C16orf96: variants seen among roughly 807,000 people sequenced by gnomAD.
C16orf96 encodes the protein uncharacterized protein C16orf96.
A neutral mutation model predicts 103.6 loss-of-function variants in C16orf96; 108 were observed. That is an observed-to-expected ratio of 1.04 (90% CI 0.89 to 1.22). The LOEUF (loss-of-function observed/expected upper bound fraction) is 1.22, where lower values mean the gene tolerates loss of function less well. Ranked by LOEUF, C16orf96 falls within the 50% of genes most tolerant of loss-of-function variation. The probability of loss-of-function intolerance (pLI) is 0.00; values close to 1 mark genes in which losing one functional copy is unlikely to be tolerated. For missense variants in C16orf96, 1,586 were observed against 1,464.2 expected, an observed-to-expected ratio of 1.08 and a Z score of -1.36; for synonymous variants, 566 against 593.5, an observed-to-expected ratio of 0.95 and a Z score of 0.67.
At chr16:4,552,296 A>C (rs2059232962), upstream of C16orf96, among the ~76,000 whole-genome samples, 1 of 152,132 alleles carries the variant, frequency 6.6e-6, no homozygotes, top group South Asian at 2.1e-4. Context: ...AGCCTGGGCA[A>C]CGTGGTGAAA....
At chr16:4,599,470 A>C (rs1897241040) in intron 15 of C16orf96, 106 bp downstream of exon 15, 2 of 906,150 alleles carry the variant, frequency 2.2e-6, no homozygotes, top group South Asian at 1.5e-5. Flanking sequence ...TCTCCTGTCC[A>C]CCTCCTCCAC....
the C16orf96 span, among the ~76,000 whole-genome samples, chr16:4,540,619 C>T: frequency 1.3e-5 from 2 of 151,838 alleles, no homozygotes; most frequent in Non-Finnish European, 1.5e-5. Context: ...CCCAGCTATT[C>T]GGGAGGCTGA....
chr16:4,563,132 A>G, intron 1 of C16orf96: 2 of 779,830 alleles, frequency 2.6e-6, no homozygotes, highest in Admixed American at 1.9e-5. Context: ...GTTTTTGTCA[A>G]CCTCACTGTC....
chr16:4,557,181 G>T (rs556748842), intron 1 of C16orf96, among the ~76,000 whole-genome samples: 1 of 152,132 alleles, frequency 6.6e-6, no homozygotes, highest in African/African-American at 2.4e-5. Flanking sequence ...TGTTGGCCAG[G>T]CTGGTCTCAA....
chr16:4,571,245 C>T (rs1454777713), intron 1 of C16orf96, among the ~76,000 whole-genome samples: 3 of 152,098 alleles, frequency 2.0e-5, no homozygotes, highest in East Asian at 3.9e-4. Context: ...GTGGCTCCTA[C>T]CCAGGGATGG....
the C16orf96 span, among the ~76,000 whole-genome samples, chr16:4,550,720 G>A: frequency 2.1e-3 from 322 of 152,336 alleles, no homozygotes; most frequent in African/African-American, 6.5e-3. Flanking sequence ...GCAGACCCCA[G>A]GTCTTGTGGT....
chr16:4,573,522 G>C (rs111443532), intron 2 of C16orf96, among the ~76,000 whole-genome samples: 107 of 150,800 alleles, frequency 7.1e-4, no homozygotes, highest in African/African-American at 2.5e-3. Context: ...GGAGGCTGAG[G>C]TGGGCAGATC....
upstream of C16orf96, among the ~76,000 whole-genome samples, chr16:4,554,350 T>A (rs1026208526): frequency 1.3e-4 from 20 of 151,548 alleles, no homozygotes; most frequent in Admixed American, 9.2e-4. Context: ...TTTTTCTTTT[T>A]CTTTTTCTTT....
At chr16:4,592,199 G>A (rs1271767935) in intron 10 of C16orf96, 106 bp from the exon 11 acceptor site, 18 of 1,381,156 alleles carry the variant, frequency 1.3e-5, no homozygotes, top group Admixed American at 7.9e-5. Flanking sequence ...GAGCTGGGCC[G>A]GGCACTGGCA....
At chr16:4,580,179 C>A in intron 7 of C16orf96, 54 bp downstream of exon 7, 3 of 1,355,778 alleles carry the variant, frequency 2.2e-6, no homozygotes, top group African/African-American at 3.0e-5. Context: ...AATTCCTCAC[C>A]TAGACCTTCT....
the C16orf96 span, among the ~76,000 whole-genome samples, chr16:4,541,154 C>T: frequency 3.4e-3 from 522 of 152,116 alleles, 7 homozygotes; most frequent in African/African-American, 0.011. Flanking sequence ...CCTCGTGATC[C>T]GCCCGCCTCT....
intron 7 of C16orf96, among the ~76,000 whole-genome samples, chr16:4,581,878 C>T (rs2059593054): frequency 6.6e-6 from 1 of 152,062 alleles, no homozygotes; most frequent in Admixed American, 6.6e-5. Flanking sequence ...ATTGCTTCAG[C>T]ATGGGAGGTT....
At chr16:4,592,732 C>T (rs1408838619) in intron 11 of C16orf96, among the ~76,000 whole-genome samples, 4 of 152,200 alleles carry the variant, frequency 2.6e-5, no homozygotes, top group African/African-American at 7.2e-5. Context: ...TGTATGATAG[C>T]GCCTGCCTAT....
chr16:4,599,115 A>G (rs1314130320), intron 14 of C16orf96, among the ~76,000 whole-genome samples, 169 bp from the exon 15 acceptor site: 1 of 151,976 alleles, frequency 6.6e-6, no homozygotes, highest in Non-Finnish European at 1.5e-5. Context: ...AAAAAAAAAA[A>G]AAGAAGCCAA....
At chr16:4,588,822 A>T (rs1175222391) in intron 9 of C16orf96, among the ~76,000 whole-genome samples, 2 of 145,098 alleles carry the variant, frequency 1.4e-5, no homozygotes, top group Non-Finnish European at 3.0e-5. Flanking sequence ...CAGAGAGGTT[A>T]TTATACTTCC....
rs113259727 is a variant in C16orf96, at chr16:4,599,338, G to A, written c.3182G>A (p.Ser1061Asn). 1,573 of 1,551,678 alleles carry A rather than the reference G, an allele frequency of 1.0e-3. 20 individuals are homozygous for A. In the African/African-American group the frequency reaches 0.019, roughly 19 times the overall value. ...AGCCTGTATGACCGTGTGCACTCCAGTGCCCTATTTGGCGCCATCTGCCCC... is the reference window on the plus strand; with the variant it reads ...AGCCTGTATGACCGTGTGCACTCCAATGCCCTATTTGGCGCCATCTGCCCC... ...SQSLYDRVHS[S>N]ALFGAICPPL... Residue 1061 changes from serine (S) to asparagine (N), a missense_variant, in exon 15 of 16, where the codon AGT (serine) becomes AAT (asparagine). Ser to Asn is a conservative substitution (Grantham distance 46). Transcript: ENST00000444310.
intron 1 of C16orf96, among the ~76,000 whole-genome samples, chr16:4,568,000 T>C (rs1418651170): frequency 6.6e-6 from 1 of 151,878 alleles, no homozygotes; most frequent in African/African-American, 2.4e-5. Flanking sequence ...CCGGCCTGTT[T>C]TTGTTTTTTG....
intron 1 of C16orf96, chr16:4,561,292 A>T (rs2059328490): frequency 6.6e-6 from 1 of 152,212 alleles, no homozygotes; most frequent in Non-Finnish European, 1.5e-5. Flanking sequence ...GGGTGACAAA[A>T]GCGAAACTCC....
rs5815209 is a variant in C16orf96, at chr16:4,569,699, C to CAA, written c.421-1848_421-1847dup. ...TAGGTGACAGAGTGAGACTCTGTCT[C>CAA]AAAAAAAAAAAAAAAGAAGGCAAAG... On this transcript the variant is annotated intron_variant, in intron 1 of 15. Coordinates refer to ENST00000444310, the MANE Select transcript of C16orf96 (RefSeq NM_001145011.2). Among the ~76,000 whole-genome samples, 143 of 129,370 alleles carry CAA rather than the reference C, an allele frequency of 1.1e-3. 1 individual carries two copies. Among genetic ancestry groups the CAA allele is most frequent in the East Asian group, 1.9e-3 (9 of 4,652 alleles). The allele number at this position is 129,370 out of a possible 152,430, so 84.9% of individuals were successfully genotyped here. A position where few individuals can be genotyped will look rare whatever the true frequency, so the allele number is the denominator to read the frequency against.
Sources: allele counts gnomAD v4.1 joint callset (sites outside exome capture counted in the v4.1 genomes callset), GRCh38; gene constraint gnomAD v4.1.1; transcripts MANE v1.5; gene names NCBI Gene and HGNC (gene_info 2026-07-23, HGNC 2026-07-21).